The following TEAD4 variants were observed in gnomAD, a reference collection of about 807,000 sequenced individuals.
TEAD4 encodes the protein transcriptional enhancer factor TEF-3.
TEAD4 carries 36 observed loss-of-function variants against 52.4 expected under a neutral mutation model. The observed-to-expected ratio is 0.69, with a 90% CI of 0.53 to 0.91. The LOEUF (loss-of-function observed/expected upper bound fraction) is 0.91. TEAD4 is among the 40% of genes least tolerant of loss of function. The pLI is 0.00. For missense variants in TEAD4, 508 were observed against 583.9 expected, an observed-to-expected ratio of 0.87 and a Z score of 1.34; for synonymous variants, 220 against 231.0, an observed-to-expected ratio of 0.95 and a Z score of 0.43.
Position 2,994,168 on chromosome 12 carries a change from G to T in TEAD4, c.-29-570G>T, listed in dbSNP as rs562562043. Among the ~76,000 whole-genome samples, 1 of 152,050 alleles carries T rather than the reference G, an allele frequency of 6.6e-6. No homozygotes were observed. The highest frequency in any genetic ancestry group is 2.1e-4 in the South Asian group (1 of 4,816). ...CGGCTCACTGCAACCTCTGCTTCTC[G>T]GATTCAAGCGATTCTCCTTGTCTGA... On this transcript the variant is annotated intron_variant, in intron 2 of 12. Transcript: ENST00000359864. The surrounding 1 kb of genome is among the most constrained non-coding windows in gnomAD (Gnocchi z 4.7).
intron 2 of TEAD4, 172 bp downstream of exon 2, chr12:2,960,212 A>G (rs1264753754): frequency 2.3e-6 from 2 of 861,094 alleles, no homozygotes; most frequent in Non-Finnish European, 2.8e-6. Flanking sequence ...GGGGGTGGAC[A>G]CTCGGGACTT....
At chr12:2,964,165 T>G (rs970041992) in intron 2 of TEAD4, among the ~76,000 whole-genome samples, 1 of 152,174 alleles carries the variant, frequency 6.6e-6, no homozygotes, top group African/African-American at 2.4e-5. Flanking sequence ...GCCGGTTCTG[T>G]GCTGAGCTTT....
chr12:2,984,060 C>G (rs1393649806), intron 2 of TEAD4, among the ~76,000 whole-genome samples: 1 of 152,142 alleles, frequency 6.6e-6, no homozygotes, highest in Non-Finnish European at 1.5e-5. Context: ...TTTCAGGTAG[C>G]AGCACCTCCA....
At chr12:3,030,067 C>G (rs568725852) in intron 10 of TEAD4, among the ~76,000 whole-genome samples, 1 of 152,326 alleles carries the variant, frequency 6.6e-6, no homozygotes, top group East Asian at 1.9e-4. Context: ...CTTAACTCTC[C>G]TGTTCTTACT....
At chr12:2,988,933 A>C (rs184365909) in intron 2 of TEAD4, among the ~76,000 whole-genome samples, 9 of 152,296 alleles carry the variant, frequency 5.9e-5, no homozygotes, top group African/African-American at 1.9e-4. Flanking sequence ...GCCTTGCCCT[A>C]TGCGTCTCTA....
intron 3 of TEAD4, 81 bp downstream of exon 3, chr12:2,995,073 C>T (rs893368373): frequency 6.6e-6 from 10 of 1,520,386 alleles, no homozygotes; most frequent in Non-Finnish European, 8.8e-6. Flanking sequence ...TCCTGCCGGG[C>T]CACAGAAGGG....
chr12:3,040,009 GC>G lies in TEAD4; in HGVS notation c.1039-93del, dbSNP rs2098281711. On this transcript the variant is annotated intron_variant, in intron 11 of 12. Transcript: ENST00000359864. The stretch of plus-strand genomic sequence containing the variant: ...GCTGGGGGTGACTCTTTTCTTAAGG[GC>G]CCCCAGGCTTTCTGCCTTTCCTTCC... 8 of 1,517,404 alleles carry G rather than the reference GC, an allele frequency of 5.3e-6. No homozygotes were observed. In the East Asian group the frequency reaches 6.8e-5, roughly 13 times the overall value. 94.0% of individuals were successfully genotyped at this position (1,517,404 alleles called of 1,614,324 possible).
At chr12:2,997,587 G>A (rs2098248220) in intron 3 of TEAD4, among the ~76,000 whole-genome samples, 1 of 152,084 alleles carries the variant, frequency 6.6e-6, no homozygotes, top group Admixed American at 6.6e-5. Flanking sequence ...GAGCTGTGGT[G>A]TATGTCCTGG....
chr12:2,960,129 T>C lies in TEAD4; in HGVS notation c.-30+89T>C, dbSNP rs544598282. On this transcript the variant is annotated intron_variant, in intron 2 of 12. Coordinates refer to ENST00000359864, the MANE Select transcript of TEAD4 (RefSeq NM_003213.4). ...GCGGAGCTCCCTCCCGGGACGAGAC[T>C]GGGAAGAGCGAGGCACGTGGAGGCG... 57 of 179,390 alleles carry C rather than the reference T, an allele frequency of 3.2e-4. No individual in the cohort carries two copies. In the South Asian group the frequency reaches 0.01, roughly 33 times the overall value. The allele number at this position is 179,390 out of a possible 1,614,324, so 11.1% of individuals were successfully genotyped here. A position where few individuals can be genotyped will look rare whatever the true frequency, so the allele number is the denominator to read the frequency against.
chr12:3,040,541 G>A lies in TEAD4; in HGVS notation c.*63G>A, dbSNP rs2098282141. 3 of 1,441,384 alleles carry A rather than the reference G, an allele frequency of 2.1e-6. No homozygotes were observed. The highest frequency in any genetic ancestry group is 1.2e-5 in the South Asian group (1 of 84,574). The allele number at this position is 1,441,384 out of a possible 1,614,324, so 89.3% of individuals were successfully genotyped here. On this transcript the variant is annotated 3_prime_UTR_variant, in exon 13 of 13. Coordinates refer to ENST00000359864, the MANE Select transcript of TEAD4 (RefSeq NM_003213.4). ...TGCAGGAAACGGGGACGTGGGGAGG[G>A]GACCTGCAGGGGCAGCCCCCTGAAG...
intron 10 of TEAD4, among the ~76,000 whole-genome samples, chr12:3,037,086 C>G (rs1236709262): frequency 6.6e-6 from 1 of 152,140 alleles, no homozygotes; most frequent in Non-Finnish European, 1.5e-5. Context: ...AGCAGGAGGC[C>G]CCCTGGGCTC....
intron 6 of TEAD4, 127 bp from the exon 7 acceptor site, chr12:3,018,418 A>T: frequency 1.9e-6 from 2 of 1,038,714 alleles, no homozygotes; most frequent in Non-Finnish European, 2.9e-6. Flanking sequence ...TTCACTAGCT[A>T]GGCGAGGCCT....
At chr12:3,007,739 T>A (rs1207238460) in intron 3 of TEAD4, among the ~76,000 whole-genome samples, 1 of 152,230 alleles carries the variant, frequency 6.6e-6, no homozygotes, top group African/African-American at 2.4e-5. Context: ...TTTGTATTTT[T>A]AAAATTCTTT....
chr12:2,980,826 C>T (rs374807970), intron 2 of TEAD4, among the ~76,000 whole-genome samples: 3 of 152,056 alleles, frequency 2.0e-5, no homozygotes, highest in African/African-American at 4.8e-5. Context: ...TTTGGGAGGG[C>T]GAGGCGGGCA....
Position 3,040,206 on chromosome 12 carries a change from C to G in TEAD4, c.1138C>G (p.Leu380Val). ...CAACTTCATCCACAAGCTCAAGCAC[C>G]TCCCTGAGAAGTACATGATGAACAG... is the stretch of plus-strand genomic sequence containing the variant. Residue 380 changes from leucine (L) to valine (V), a missense_variant, in exon 12 of 13, where the codon CTC becomes GTC. By Grantham distance (32) the Leu-to-Val change is conservative. Coordinates refer to ENST00000359864, the MANE Select transcript of TEAD4 (RefSeq NM_003213.4). 1 of 1,614,230 alleles carries G rather than the reference C, an allele frequency of 6.2e-7. No individual in the cohort carries two copies. Among genetic ancestry groups the G allele is most frequent in the Non-Finnish European group, 8.5e-7 (1 of 1,180,052 alleles).
intron 10 of TEAD4, among the ~76,000 whole-genome samples, chr12:3,037,638 A>G (rs1297585733): frequency 1.3e-5 from 2 of 152,222 alleles, no homozygotes; most frequent in Non-Finnish European, 2.9e-5. Flanking sequence ...TTTAACAAGA[A>G]CAAAGTCTTA....
chr12:3,014,765 C>T (rs1164586201), intron 5 of TEAD4, among the ~76,000 whole-genome samples: 3 of 152,204 alleles, frequency 2.0e-5, no homozygotes, highest in Non-Finnish European at 4.4e-5. Flanking sequence ...CGGGTCCTTC[C>T]CACTTCCTCT....
intron 2 of TEAD4, among the ~76,000 whole-genome samples, chr12:2,960,991 C>T (rs945309987): frequency 1.3e-5 from 2 of 151,870 alleles, no homozygotes; most frequent in African/African-American, 4.8e-5. Flanking sequence ...CTGACTTTCT[C>T]AGGGCGAGGG....
Position 2,994,057 on chromosome 12 carries a change from G to A in TEAD4, c.-29-681G>A, listed in dbSNP as rs2098245239. 6.6e-6 allele frequency among the ~76,000 whole-genome samples: 1 copy of A among 152,014 alleles called. No individual in the cohort carries two copies. The highest frequency in any genetic ancestry group is 1.5e-5 in the Non-Finnish European group (1 of 68,000). ...TGTACATATATATCTTTGAGACCCT[G>A]CTTTCAGTTTGTTTGGGTATATACC... On this transcript the variant is annotated intron_variant, in intron 2 of 12. Transcript: ENST00000359864. The surrounding 1 kb of genome is among the most constrained non-coding windows in gnomAD (Gnocchi z 4.7).
Sources: allele counts gnomAD v4.1 joint callset (sites outside exome capture counted in the v4.1 genomes callset), GRCh38; gene constraint gnomAD v4.1.1; non-coding constraint Gnocchi (gnomAD v3.1); transcripts MANE v1.5; gene names NCBI Gene and HGNC (gene_info 2026-07-23, HGNC 2026-07-21).